Variants in RABGAP1L observed in about 807,000 individuals in gnomAD.
The protein encoded by RABGAP1L is rab GTPase-activating protein 1-like.
A neutral mutation model predicts 137.7 loss-of-function variants in RABGAP1L; 63 were observed. The observed-to-expected ratio is 0.46, with a 90% CI of 0.37 to 0.56. The LOEUF (loss-of-function observed/expected upper bound fraction) is 0.56. Among genes scored for constraint, RABGAP1L ranks in the 20% least tolerant of loss-of-function variants. RABGAP1L has a pLI of 0.00. For missense variants in RABGAP1L, 1,095 were observed against 1,244.0 expected (o/e 0.88, Z 1.80); for synonymous variants, 431 against 433.7 (o/e 0.99, Z 0.08).
At chr1:174,167,345 C>T (rs1397730224) in intron 1 of RABGAP1L, among the ~76,000 whole-genome samples, 1 of 152,070 alleles carries the variant, frequency 6.6e-6, no homozygotes, top group East Asian at 1.9e-4. Context: ...ATTATGTAAA[C>T]ATTTGTAAAG....
intron 24 of RABGAP1L, among the ~76,000 whole-genome samples, chr1:174,985,312 G>A (rs907543468): frequency 3.9e-5 from 6 of 152,218 alleles, no homozygotes; most frequent in Admixed American, 1.3e-4. Context: ...AGGATCGCTT[G>A]AGCCCAGGAG....
At chr1:174,361,668 G>A (rs780255221) in intron 11 of RABGAP1L, among the ~76,000 whole-genome samples, 30 of 151,870 alleles carry the variant, frequency 2.0e-4, no homozygotes, top group Non-Finnish European at 4.1e-4. Context: ...CAGTTCTAGT[G>A]GTTTTTTTAG....
intron 17 of RABGAP1L, among the ~76,000 whole-genome samples, chr1:174,746,436 T>C (rs534856259): frequency 6.6e-6 from 1 of 152,366 alleles, no homozygotes; most frequent in Non-Finnish European, 1.5e-5. Flanking sequence ...AGTTGGGTTT[T>C]TGTTGCCTCA....
intron 19 of RABGAP1L, among the ~76,000 whole-genome samples, chr1:174,945,113 A>G (rs1008212077): frequency 4.6e-5 from 7 of 152,226 alleles, no homozygotes; most frequent in Non-Finnish European, 1.0e-4. Flanking sequence ...GTCTGTGTTC[A>G]AATAGTTTAA....
At chr1:174,740,344 G>A (rs1456356930) in intron 17 of RABGAP1L, among the ~76,000 whole-genome samples, 1 of 152,062 alleles carries the variant, frequency 6.6e-6, no homozygotes, top group Non-Finnish European at 1.5e-5. Context: ...AAGAGAAAGG[G>A]TCCCCAAAGA....
intron 1 of RABGAP1L, among the ~76,000 whole-genome samples, chr1:174,216,691 G>T (rs1669352726): frequency 6.6e-6 from 1 of 151,134 alleles, no homozygotes. Context: ...TCTGTCTGAA[G>T]AACTACTTTT....
intron 1 of RABGAP1L, among the ~76,000 whole-genome samples, chr1:174,195,785 T>TTTCTTTTC (rs756924503): frequency 8.9e-6 from 1 of 112,828 alleles, no homozygotes; most frequent in African/African-American, 3.6e-5. Flanking sequence ...CCTTTCTTTC[T>TTTCTTTTC]TTTCTTTCTT....
intron 13 of RABGAP1L, among the ~76,000 whole-genome samples, chr1:174,538,147 G>C (rs535121320): frequency 1.3e-5 from 2 of 152,146 alleles, no homozygotes; most frequent in East Asian, 3.9e-4. Context: ...CCCTGCTTTG[G>C]GAAAACCATT....
intron 14 of RABGAP1L, among the ~76,000 whole-genome samples, chr1:174,675,155 T>C (rs575988497): frequency 1.3e-5 from 2 of 152,216 alleles, no homozygotes; most frequent in Non-Finnish European, 2.9e-5. Context: ...AGACATGAAG[T>C]CTTTGCCCAT....
At chr1:174,840,742 G>A (rs1003491193) in intron 19 of RABGAP1L, among the ~76,000 whole-genome samples, 5 of 151,530 alleles carry the variant, frequency 3.3e-5, no homozygotes, top group African/African-American at 1.2e-4. Flanking sequence ...CTTGAACCTG[G>A]GAGGTGGAGG....
intron 19 of RABGAP1L, among the ~76,000 whole-genome samples, chr1:174,913,505 T>C (rs1413105049): frequency 1.3e-5 from 2 of 152,186 alleles, no homozygotes; most frequent in African/African-American, 4.8e-5. Flanking sequence ...ATACAATCTT[T>C]CTGATAAGGT....
intron 13 of RABGAP1L, among the ~76,000 whole-genome samples, chr1:174,502,890 G>C (rs1344031939): frequency 6.6e-6 from 1 of 152,034 alleles, no homozygotes; most frequent in African/African-American, 2.4e-5. Flanking sequence ...TGGCCTAACT[G>C]TGAATAACAG....
chr1:174,766,157 A>G (rs554899340), intron 18 of RABGAP1L, among the ~76,000 whole-genome samples: 68 of 152,302 alleles, frequency 4.5e-4, no homozygotes, highest in African/African-American at 1.6e-3. Flanking sequence ...CTACAAGCCA[A>G]AGTGTGAGAA....
intron 1 of RABGAP1L, among the ~76,000 whole-genome samples, chr1:174,195,601 CT>C (rs1230922681): frequency 8.3e-4 from 61 of 73,712 alleles, no homozygotes; most frequent in Middle Eastern, 6.2e-3. Flanking sequence ...TTCTTTCTTT[CT>C]TTCTTTCTTT....
chr1:174,597,206 T>C (rs1210885932), intron 13 of RABGAP1L, among the ~76,000 whole-genome samples: 3 of 152,172 alleles, frequency 2.0e-5, no homozygotes, highest in Non-Finnish European at 2.9e-5. Context: ...TGTCTGGTTT[T>C]GTTATCAGGG....
chr1:174,768,133 C>T (rs142618645), intron 18 of RABGAP1L, among the ~76,000 whole-genome samples: 2 of 152,226 alleles, frequency 1.3e-5, no homozygotes, highest in East Asian at 3.9e-4. Flanking sequence ...ATTTTTACTT[C>T]TTCCTTTCTG....
chr1:174,231,727 A>C (rs1010904999), intron 4 of RABGAP1L, among the ~76,000 whole-genome samples: 1 of 152,156 alleles, frequency 6.6e-6, no homozygotes, highest in African/African-American at 2.4e-5. Flanking sequence ...AAGGGGAAGC[A>C]GAATTGTCTT....
At chr1:174,813,492 A>G (rs912617012) in intron 19 of RABGAP1L, among the ~76,000 whole-genome samples, 6 of 152,208 alleles carry the variant, frequency 3.9e-5, no homozygotes, top group African/African-American at 9.6e-5. Context: ...ATTTTTTGGT[A>G]TAACACAATC....
chr1:174,934,243 C>G, intron 19 of RABGAP1L, among the ~76,000 whole-genome samples: 1 of 151,974 alleles, frequency 6.6e-6, no homozygotes, highest in African/African-American at 2.4e-5. Context: ...CATGCACCAC[C>G]ACACCCAGCT....
Sources: gnomAD v4.1 joint callset for allele counts (sites outside exome capture counted in the v4.1 genomes callset) on GRCh38, gnomAD v4.1.1 for gene constraint, MANE v1.5 for transcripts, NCBI Gene and HGNC (gene_info 2026-07-23, HGNC 2026-07-21) for gene names.